PLXNA2: variants seen among roughly 807,000 people sequenced by gnomAD.
The protein encoded by PLXNA2 is plexin A2.
PLXNA2 carries 91 observed loss-of-function variants against 193.5 expected under a neutral mutation model. The ratio of observed to expected loss-of-function variants is 0.47; its 90% CI spans 0.40 to 0.56. The LOEUF (loss-of-function observed/expected upper bound fraction) is 0.56, where lower values mean the gene tolerates loss of function less well. Among genes scored for constraint, PLXNA2 ranks in the 20% least tolerant of loss-of-function variants. PLXNA2 has a pLI of 0.00. For synonymous variants in PLXNA2, 997 were observed against 1,027.3 expected (o/e 0.97, Z 0.56); for missense variants, 1,995 against 2,503.2 (o/e 0.80, Z 4.33).
chr1:208,045,820 G>T, intron 18 of PLXNA2, 58 bp downstream of exon 18: 1 of 1,599,194 alleles, frequency 6.3e-7, no homozygotes. Flanking sequence ...CCAGGAGCGA[G>T]GGGCGCCCTC....
At chr1:208,216,698 A>T in intron 2 of PLXNA2, 37 bp downstream of exon 2, 1 of 1,579,638 alleles carries the variant, frequency 6.3e-7, no homozygotes, top group Non-Finnish European at 8.6e-7. Context: ...AACCTGTGTC[A>T]TGGAGCAGGA....
chr1:208,135,941 C>T (rs567170366), intron 4 of PLXNA2, among the ~76,000 whole-genome samples: 2 of 152,268 alleles, frequency 1.3e-5, no homozygotes, highest in South Asian at 4.1e-4. Context: ...ATTTCTACCT[C>T]ATTATAGGGA....
intron 12 of PLXNA2, among the ~76,000 whole-genome samples, chr1:208,076,432 T>C (rs1666151654): frequency 6.6e-6 from 1 of 152,094 alleles, no homozygotes; most frequent in Non-Finnish European, 1.5e-5. Context: ...AACCATGGAT[T>C]CTTATTCTAT....
chr1:208,050,268 T>C (rs1053538337), intron 17 of PLXNA2, among the ~76,000 whole-genome samples: 13 of 152,240 alleles, frequency 8.5e-5, no homozygotes, highest in African/African-American at 2.9e-4. Context: ...TCACCATTCA[T>C]AGCTGAGAGG....
At position 208,236,534 on chromosome 1, in the gene PLXNA2, G is replaced by C. The variant is rs548786250; in HGVS notation, c.-81+7109C>G. Among the ~76,000 whole-genome samples, 12 of 152,276 alleles carry C rather than the reference G, an allele frequency of 7.9e-5. No individual in the cohort carries two copies. The East Asian group carries it at 2.3e-3, about 29-fold the overall frequency. On this transcript the variant is annotated intron_variant, in intron 1 of 31. Transcript: ENST00000367033. This position sits in a 1 kb window ranked among gnomAD's most constrained non-coding sequence, Gnocchi z 4.4. The stretch of plus-strand genomic sequence containing the variant: ...AAAGGGTGGAGCACACTGCCTGGCC[G>C]GCTGCTCCCTCTAACCCCTGCTCAA...
chr1:208,066,729 T>C (rs78672513), intron 12 of PLXNA2, among the ~76,000 whole-genome samples: 3,409 of 152,226 alleles, frequency 0.022, 85 homozygotes, highest in African/African-American at 0.054. Flanking sequence ...GAAGAAGGCA[T>C]TGTCATCATA....
intron 3 of PLXNA2, among the ~76,000 whole-genome samples, chr1:208,189,718 C>T (rs1670117516): frequency 6.6e-6 from 1 of 152,058 alleles, no homozygotes; most frequent in Non-Finnish European, 1.5e-5. Context: ...ACTGATTTAC[C>T]CAATATAATC....
chr1:208,038,345 A>C lies in PLXNA2; in HGVS notation c.4764+26T>G. Reference sequence around the variant, plus strand: ...GGAAGGGAACATTCTGGGAAGCTGAAGAGGGGAAAAGACACCCCCTCTCAC... The same window carrying C: ...GGAAGGGAACATTCTGGGAAGCTGACGAGGGGAAAAGACACCCCCTCTCAC... On this transcript the variant is annotated intron_variant, in intron 26 of 31. Transcript: ENST00000367033. The surrounding 1 kb of genome is among the most constrained non-coding windows in gnomAD (Gnocchi z 4.1). 6.8e-7 allele frequency: 1 copy of C among 1,474,420 alleles called. No individual in the cohort carries two copies. The highest frequency in any genetic ancestry group is 1.4e-5 in the African/African-American group (1 of 72,320). The allele number at this position is 1,474,420 out of a possible 1,614,324, so 91.3% of individuals were successfully genotyped here. A position where few individuals can be genotyped will look rare whatever the true frequency, so the allele number is the denominator to read the frequency against.
In PLXNA2 at chr1:208,217,989, G is replaced by T; in HGVS notation, c.-67C>A. 6.4e-7 allele frequency: 1 copy of T among 1,570,514 alleles called. No homozygotes were observed. The highest frequency in any genetic ancestry group is 8.6e-7 in the Non-Finnish European group (1 of 1,165,152). Reference sequence around the variant, plus strand: ...TCATCTGCTCCACCTTCCCCGGTTGGCCCTCACATGATTCTGCAAAACACA... The same window carrying T: ...TCATCTGCTCCACCTTCCCCGGTTGTCCCTCACATGATTCTGCAAAACACA... On this transcript the variant is annotated 5_prime_UTR_variant, in exon 2 of 32. Transcript: ENST00000367033. This position sits in a 1 kb window ranked among gnomAD's most constrained non-coding sequence, Gnocchi z 4.7.
chr1:208,211,476 G>A (rs1670941420), intron 2 of PLXNA2, among the ~76,000 whole-genome samples: 1 of 152,130 alleles, frequency 6.6e-6, no homozygotes, highest in Admixed American at 6.5e-5. Context: ...GGCAGTTCAC[G>A]AAGTCAGGAG....
rs749487475 is a variant in PLXNA2, at chr1:208,096,786, T to C, written c.1829A>G (p.Gln610Arg). 1.9e-6 allele frequency: 3 copies of C among 1,614,030 alleles called. No homozygotes were observed. The African/African-American group carries it at 4.0e-5, about 22-fold the overall frequency. ...GGGCCCAGGTGAGATGCAGATGACC[T>C]GGCTCCCGGACACCTGCCCCTCCAC... ...TEVEGQVSGS[Q>R]VICISPGPKD... Residue 610 changes from glutamine (Q) to arginine (R), a missense_variant, in exon 7 of 32, where the codon CAG becomes CGG. By Grantham distance (43) the Gln-to-Arg change is conservative. This residue lies in a region of PLXNA2 where 702 missense variants were observed against 812.9 expected (regional missense o/e 0.86). Coordinates refer to ENST00000367033, the MANE Select transcript of PLXNA2 (RefSeq NM_025179.4).
intron 12 of PLXNA2, among the ~76,000 whole-genome samples, chr1:208,071,431 T>C (rs1355796369): frequency 1.3e-5 from 2 of 152,234 alleles, no homozygotes; most frequent in African/African-American, 4.8e-5. Context: ...GGCTGCACAT[T>C]TTCATTCCCT....
chr1:208,117,187 T>G (rs1667662893), intron 4 of PLXNA2, among the ~76,000 whole-genome samples: 1 of 151,716 alleles, frequency 6.6e-6, no homozygotes, highest in South Asian at 2.1e-4. Context: ...AAAAAAGAGT[T>G]GAAGGAATGA....
intron 3 of PLXNA2, among the ~76,000 whole-genome samples, chr1:208,165,632 G>C (rs1022200285): frequency 2.0e-5 from 3 of 152,036 alleles, no homozygotes; most frequent in Non-Finnish European, 4.4e-5. Flanking sequence ...TCAAAACCCC[G>C]CAAGCCCAGC....
intron 4 of PLXNA2, among the ~76,000 whole-genome samples, chr1:208,109,897 AC>A (rs1371932769): frequency 6.6e-6 from 1 of 152,206 alleles, no homozygotes; most frequent in Non-Finnish European, 1.5e-5. Flanking sequence ...AGCTCCTAGT[AC>A]CCAGTAGCTG....
chr1:208,163,212 G>A (rs1669188385), intron 3 of PLXNA2, among the ~76,000 whole-genome samples: 1 of 152,032 alleles, frequency 6.6e-6, no homozygotes, highest in Non-Finnish European at 1.5e-5. Flanking sequence ...GGGATAAACT[G>A]TTTCTGGTGG....
intron 1 of PLXNA2, among the ~76,000 whole-genome samples, chr1:208,241,543 C>A (rs985611127): frequency 6.6e-6 from 1 of 152,218 alleles, no homozygotes; most frequent in African/African-American, 2.4e-5. Context: ...GAAGGACCAG[C>A]TGGGATTTCC....
chr1:208,195,974 G>A (rs1190165825), intron 3 of PLXNA2, among the ~76,000 whole-genome samples: 1 of 151,674 alleles, frequency 6.6e-6, no homozygotes, highest in Non-Finnish European at 1.5e-5. Context: ...GGAGGTGGGG[G>A]GTACATTATA....
At chr1:208,114,152 C>A (rs1667570769) in intron 4 of PLXNA2, among the ~76,000 whole-genome samples, 1 of 152,198 alleles carries the variant, frequency 6.6e-6, no homozygotes, top group African/African-American at 2.4e-5. Flanking sequence ...AAGTCCCTGG[C>A]ACTGCCTCCC....
Sources: gnomAD v4.1 joint callset for allele counts (sites outside exome capture counted in the v4.1 genomes callset) on GRCh38, gnomAD v4.1.1 for gene constraint, gnomAD v4.1.1 regional missense constraint, Gnocchi (gnomAD v3.1) non-coding constraint, MANE v1.5 for transcripts, NCBI Gene and HGNC (gene_info 2026-07-23, HGNC 2026-07-21) for gene names.